Variants in EBPL observed in about 807,000 individuals in gnomAD.
The protein encoded by EBPL is EBP like.
Under a neutral mutation model 19.0 loss-of-function variants are expected in EBPL, and 20 were observed. That is an observed-to-expected ratio of 1.05 (90% CI 0.74 to 1.53). The LOEUF is 1.53. Among genes scored for constraint, EBPL ranks in the 40% most tolerant of loss-of-function variants. EBPL has a pLI of 0.00. For synonymous variants in EBPL, 107 were observed against 117.0 expected (o/e 0.91, Z 0.55); for missense variants, 219 against 261.1 (o/e 0.84, Z 1.11).
rs1283302936 is a variant in EBPL at position 49,663,912 on chromosome 13, G to A, written c.242-717C>T. Among the ~76,000 whole-genome samples the A allele has an allele frequency of 2.1e-4, 30 of 139,578 alleles. 1 individual carries two copies. Among genetic ancestry groups the A allele is most frequent in the African/African-American group, 7.2e-4 (27 of 37,286 alleles). The allele number at this position is 139,578 out of a possible 152,430, so 91.6% of individuals were successfully genotyped here. ...TGCACTCCAGCCTGGGTGACAGAGC[G>A]AGACTCCGTCTCAAAAAAAAAAAAA... is the stretch of plus-strand genomic sequence containing the variant. On this transcript the variant is annotated intron_variant, in intron 2 of 3. Transcript: ENST00000242827.
intron 3 of EBPL, 120 bp from the exon 4 acceptor site, chr13:49,661,328 T>C: frequency 1.2e-6 from 1 of 805,758 alleles, no homozygotes; most frequent in Admixed American, 2.4e-5. Flanking sequence ...CCGTCCTAAG[T>C]TGGGCCTCAG....
At chr13:49,662,024 C>A in intron 3 of EBPL, 1 of 1,135,836 alleles carries the variant, frequency 8.8e-7, no homozygotes, top group Non-Finnish European at 1.3e-6. Flanking sequence ...GACAGAGTCT[C>A]GCTCTGTCAC....
intron 1 of EBPL, among the ~76,000 whole-genome samples, chr13:49,687,922 G>C (rs1258959881): frequency 6.6e-6 from 1 of 152,180 alleles, no homozygotes; most frequent in Non-Finnish European, 1.5e-5. Context: ...TTCCCTGCTT[G>C]AAATCCTTCA....
chr13:49,661,523 G>A (rs1965148644), intron 3 of EBPL, among the ~76,000 whole-genome samples: 1 of 152,186 alleles, frequency 6.6e-6, no homozygotes, highest in African/African-American at 2.4e-5. Context: ...AGAGAGGCCT[G>A]ACTCTGAATC....
At chr13:49,666,891 A>C (rs916012476) in intron 2 of EBPL, among the ~76,000 whole-genome samples, 2 of 146,990 alleles carry the variant, frequency 1.4e-5, no homozygotes, top group African/African-American at 5.4e-5. Flanking sequence ...TCTGTTAAAA[A>C]AAAAAGAAAA....
intron 1 of EBPL, among the ~76,000 whole-genome samples, chr13:49,673,049 A>G (rs1953835404): frequency 6.6e-6 from 1 of 152,190 alleles, no homozygotes; most frequent in Non-Finnish European, 1.5e-5. Context: ...ACAGAGTGAA[A>G]CTGTGTCTCA....
At chr13:49,661,888 T>C in intron 3 of EBPL, 1 of 1,550,598 alleles carries the variant, frequency 6.4e-7, no homozygotes, top group East Asian at 2.4e-5. Flanking sequence ...TAGGGATTCA[T>C]CTCAGGATAG....
chr13:49,662,500 C>T (rs1010924171), intron 3 of EBPL, among the ~76,000 whole-genome samples: 1 of 152,140 alleles, frequency 6.6e-6, no homozygotes, highest in African/African-American at 2.4e-5. Context: ...CATCCAAGAG[C>T]GTTAGCACCA....
intron 1 of EBPL, among the ~76,000 whole-genome samples, chr13:49,680,942 A>AT (rs1304885496): frequency 6.6e-6 from 1 of 152,200 alleles, no homozygotes; most frequent in Non-Finnish European, 1.5e-5. Flanking sequence ...CTGACTCCCA[A>AT]TCACGTTTCC....
chr13:49,690,082 G>A (rs987006468), intron 1 of EBPL, among the ~76,000 whole-genome samples: 1 of 151,276 alleles, frequency 6.6e-6, no homozygotes, highest in South Asian at 2.1e-4. Flanking sequence ...CCCAAGGGGC[G>A]GAGGTTGCAG....
At chr13:49,662,275 C>T (rs1476468160) in intron 3 of EBPL, among the ~76,000 whole-genome samples, 2 of 152,096 alleles carry the variant, frequency 1.3e-5, no homozygotes, top group African/African-American at 4.8e-5. Context: ...GGATTATAGG[C>T]ATGAGCCACC....
At chr13:49,682,765 T>C (rs1013714622) in intron 1 of EBPL, among the ~76,000 whole-genome samples, 2 of 152,216 alleles carry the variant, frequency 1.3e-5, no homozygotes, top group African/African-American at 4.8e-5. Context: ...CTTTTCCTCC[T>C]CATTACAGAA....
intron 1 of EBPL, chr13:49,686,580 T>C (rs1954001279): frequency 1.6e-6 from 2 of 1,289,668 alleles, no homozygotes; most frequent in Admixed American, 2.3e-5. Flanking sequence ...TGGTTCGTGG[T>C]CTTTCCCACT....
intron 1 of EBPL, among the ~76,000 whole-genome samples, chr13:49,687,226 C>T (rs1316971696): frequency 6.6e-6 from 1 of 152,152 alleles, no homozygotes; most frequent in African/African-American, 2.4e-5. Context: ...ATCATGTCCA[C>T]CCCCAATCTA....
chr13:49,662,002 C>CT (rs948247209), intron 3 of EBPL: 920 of 1,342,240 alleles, frequency 6.9e-4, no homozygotes, highest in Middle Eastern at 9.0e-4. Flanking sequence ...TTTTTTCATC[C>CT]TTTTTTTTTG....
chr13:49,686,283 GC>G (rs983558838), intron 1 of EBPL, among the ~76,000 whole-genome samples: 4 of 152,182 alleles, frequency 2.6e-5, no homozygotes, highest in African/African-American at 9.6e-5. Flanking sequence ...AGAACCAAGA[GC>G]CCCCAGCCTG....
chr13:49,663,924 CAA>C (rs537301913), intron 2 of EBPL, among the ~76,000 whole-genome samples: 3 of 102,890 alleles, frequency 2.9e-5, no homozygotes, highest in African/African-American at 3.6e-5. Context: ...GACTCCGTCT[CAA>C]AAAAAAAAAA....
chr13:49,681,600 AAG>A (rs1449915677), intron 1 of EBPL, among the ~76,000 whole-genome samples: 1 of 152,234 alleles, frequency 6.6e-6, no homozygotes, highest in Non-Finnish European at 1.5e-5. Context: ...CCAGGCATAT[AAG>A]GGTTTTAACA....
At chr13:49,690,418 C>CAAAA (rs33964235) in intron 1 of EBPL, among the ~76,000 whole-genome samples, 2 of 88,230 alleles carry the variant, frequency 2.3e-5, no homozygotes, top group Admixed American at 1.3e-4. Context: ...GTCAACTTTA[C>CAAAA]AAAAAAAAAA....
Sources: gnomAD v4.1 joint callset for allele counts (sites outside exome capture counted in the v4.1 genomes callset) on GRCh38, gnomAD v4.1.1 for gene constraint, MANE v1.5 for transcripts, NCBI Gene and HGNC (gene_info 2026-07-23, HGNC 2026-07-21) for gene names.